The following AP3M2 variants were observed in gnomAD, a reference collection of about 807,000 sequenced individuals.
The protein encoded by AP3M2 is AP-3 complex subunit mu-2.
A neutral mutation model predicts 41.6 loss-of-function variants in AP3M2; 28 were observed. The observed-to-expected ratio is 0.67, with a 90% confidence interval of 0.50 to 0.92. The LOEUF (loss-of-function observed/expected upper bound fraction) is 0.92. AP3M2 is among the 40% of genes least tolerant of loss of function. AP3M2 has a pLI of 0.00. For synonymous variants in AP3M2, 193 were observed against 186.4 expected (o/e 1.04, Z -0.29); for missense variants, 427 against 521.4 (o/e 0.82, Z 1.76).
At position 42,165,405 on chromosome 8, in the gene AP3M2, TCTC is replaced by T. The variant is rs769524898; in HGVS notation, c.670-18_670-16del. ...GGGTGTTTAATGCCCACTTCTTGCT[TCTC>T]CTCTCCTGATGACTGTAGAACCCTA... On this transcript the variant is annotated intron_variant, in intron 5 of 8. Transcript: ENST00000396926. The T allele has an allele frequency of 1.2e-6, 2 of 1,610,662 alleles. No individual in the cohort carries two copies. Among genetic ancestry groups the T allele is most frequent in the South Asian group, 1.1e-5 (1 of 90,500 alleles).
chr8:42,160,698 C>G (rs1804484738), intron 3 of AP3M2, among the ~76,000 whole-genome samples: 1 of 152,110 alleles, frequency 6.6e-6, no homozygotes, highest in South Asian at 2.1e-4. Context: ...TTCCTAGCAC[C>G]ATTGTGTAAT....
At chr8:42,153,531 G>C (rs1804267202) in intron 1 of AP3M2, 1 of 152,606 alleles carries the variant, frequency 6.6e-6, no homozygotes, top group Non-Finnish European at 1.5e-5. Flanking sequence ...CCTCCAGGCG[G>C]CGCTGGGCAC....
rs1452701724 is a variant in AP3M2 at position 42,170,888 on chromosome 8, T to G, written c.*1827T>G. 2.0e-5 allele frequency: 3 copies of G among 152,344 alleles called. No homozygotes were observed. The East Asian group carries it at 5.8e-4, about 29-fold the overall frequency. 9.4% of individuals were successfully genotyped at this position (152,344 alleles called of 1,614,324 possible). On this transcript the variant is annotated 3_prime_UTR_variant, in exon 9 of 9. Transcript: ENST00000396926. ...TCTTGGTCCCTGAATATTTCTAGGT[T>G]TGTAAGTGCAGCAGTTTTATTTCCT...
At chr8:42,157,220 A>G (rs1804378296) in intron 2 of AP3M2, among the ~76,000 whole-genome samples, 1 of 152,228 alleles carries the variant, frequency 6.6e-6, no homozygotes, top group Admixed American at 6.5e-5. Context: ...TTAATTAGTC[A>G]TGCCTAATTC....
intron 6 of AP3M2, among the ~76,000 whole-genome samples, chr8:42,166,502 G>T (rs191125711): frequency 7.1e-6 from 1 of 140,458 alleles, no homozygotes; most frequent in East Asian, 2.2e-4. Context: ...TCAGATGAAA[G>T]CATTCTAAAA....
intron 3 of AP3M2, 196 bp from the exon 4 acceptor site, chr8:42,162,085 C>A: frequency 2.3e-6 from 1 of 441,882 alleles, no homozygotes; most frequent in Non-Finnish European, 3.9e-6. Flanking sequence ...TTTGAAAAGG[C>A]AGACCAGATG....
At chr8:42,161,356 A>C (rs1804500905) in intron 3 of AP3M2, among the ~76,000 whole-genome samples, 1 of 152,142 alleles carries the variant, frequency 6.6e-6, no homozygotes. Context: ...CACATCTGTA[A>C]TCCCAGCACT....
chr8:42,156,623 C>CA (rs1179385886), intron 2 of AP3M2, among the ~76,000 whole-genome samples: 1 of 152,074 alleles, frequency 6.6e-6, no homozygotes, highest in African/African-American at 2.4e-5. Context: ...AATTATCATT[C>CA]AAAATGAGAA....
intron 6 of AP3M2, among the ~76,000 whole-genome samples, chr8:42,166,591 CAAAAAAAAAAA>C (rs56858276): frequency 1.3e-5 from 1 of 77,056 alleles, no homozygotes; most frequent in Admixed American, 1.6e-4. Flanking sequence ...CTTGTCTCTA[CAAAAAAAAAAA>C]AAAAAAAAGT....
chr8:42,162,204 T>C, intron 3 of AP3M2, 77 bp from the exon 4 acceptor site: 1 of 1,413,370 alleles, frequency 7.1e-7, no homozygotes, highest in South Asian at 1.5e-5. Context: ...AGTGGGAGCA[T>C]AGAAACTTCT....
intron 3 of AP3M2, among the ~76,000 whole-genome samples, chr8:42,158,524 C>T (rs571940028): frequency 2.4e-4 from 37 of 152,276 alleles, no homozygotes; most frequent in African/African-American, 7.7e-4. Context: ...GCTGGGATTA[C>T]AGGTGTGAGC....
intron 3 of AP3M2, among the ~76,000 whole-genome samples, chr8:42,159,147 C>T (rs143133146): frequency 2.6e-5 from 4 of 152,142 alleles, no homozygotes; most frequent in East Asian, 1.9e-4. Context: ...CCCAAAGTTA[C>T]GTACTGAATC....
intron 8 of AP3M2, among the ~76,000 whole-genome samples, chr8:42,168,032 C>G (rs545617181): frequency 2.6e-5 from 4 of 152,190 alleles, no homozygotes; most frequent in African/African-American, 9.7e-5. Context: ...GTGCCTAAGA[C>G]ACACTGAGAA....
At chr8:42,165,669 C>G in intron 6 of AP3M2, 109 bp downstream of exon 6, 1 of 1,377,612 alleles carries the variant, frequency 7.3e-7, no homozygotes, top group South Asian at 1.4e-5. Context: ...GGTTCACATT[C>G]CAGCTTCTGT....
intron 2 of AP3M2, among the ~76,000 whole-genome samples, chr8:42,157,371 A>G (rs1564115976): frequency 2.0e-5 from 3 of 152,228 alleles, no homozygotes; most frequent in Non-Finnish European, 4.4e-5. Context: ...CTTTCCCACA[A>G]TGCAGATAAT....
chr8:42,162,562 A>T (rs968923023), intron 4 of AP3M2, 144 bp downstream of exon 4: 26 of 887,468 alleles, frequency 2.9e-5, no homozygotes, highest in Non-Finnish European at 3.9e-5. Flanking sequence ...TGTGCTGGGT[A>T]CTGGGAATGG....
intron 1 of AP3M2, chr8:42,153,746 C>T (rs1260843601): frequency 2.0e-5 from 3 of 152,048 alleles, no homozygotes; most frequent in Non-Finnish European, 1.5e-5. Context: ...AGCGGTCTGC[C>T]CGCGGAGGCC....
chr8:42,154,879 C>G lies in AP3M2; in HGVS notation c.192C>G (p.Ile64Met), dbSNP rs1804314961. 6.2e-7 allele frequency: 1 copy of G among 1,614,114 alleles called. No homozygotes were observed. The highest frequency in any genetic ancestry group is 1.1e-5 in the South Asian group (1 of 91,068). Residue 64 changes from isoleucine to methionine, a missense_variant, in exon 2 of 9, where the codon ATC becomes ATG. Around this residue, in one of 3 missense-constraint regions of AP3M2, gnomAD observed 104 missense variants for 93.8 expected, o/e 1.11. Transcript: ENST00000396926. ...TCTTAAGTGTTTACCGCCACAAGAT[C>G]TTTTTTGTGGCCGTGATCCAGACGG... ...HYLLSVYRHK[I>M]FFVAVIQTEV...
chr8:42,160,414 G>C (rs1175660706), intron 3 of AP3M2, among the ~76,000 whole-genome samples: 1 of 152,096 alleles, frequency 6.6e-6, no homozygotes, highest in East Asian at 1.9e-4. Context: ...CCAGGGGCTG[G>C]TTGTTAACTA....
Sources: gnomAD v4.1 joint callset for allele counts (sites outside exome capture counted in the v4.1 genomes callset) on GRCh38, gnomAD v4.1.1 for gene constraint, gnomAD v4.1.1 regional missense constraint, MANE v1.5 for transcripts, NCBI Gene and HGNC (gene_info 2026-07-23, HGNC 2026-07-21) for gene names.